Variants in RPL5 observed in about 807,000 individuals in gnomAD.
RPL5 encodes the protein large ribosomal subunit protein uL18.
Under a neutral mutation model 38.4 loss-of-function variants are expected in RPL5, and 1 was observed. That is an observed-to-expected ratio of 0.03 (90% CI 0.01 to 0.12). The LOEUF is 0.12. Ranked by LOEUF, RPL5 falls within the 10% of genes least tolerant of loss-of-function variation. The pLI, the probability that RPL5 is intolerant of heterozygous loss-of-function variation, is 1.00. For synonymous variants in RPL5, 109 were observed against 121.2 expected (o/e 0.90, Z 0.66); for missense variants, 243 against 374.1 (o/e 0.65, Z 2.89).
chr1:92,833,276 A>T (rs549727048), intron 1 of RPL5, 113 bp from the exon 2 acceptor site: 1 of 855,526 alleles, frequency 1.2e-6, no homozygotes, highest in South Asian at 1.5e-5. Context: ...TACAAGTGAC[A>T]GTTGTCTGTT....
intron 1 of RPL5, 173 bp from the exon 2 acceptor site, chr1:92,833,216 G>C: frequency 1.5e-6 from 1 of 655,178 alleles, no homozygotes; most frequent in Non-Finnish European, 2.8e-6. Flanking sequence ...TGACATGGAA[G>C]GTAGAGGAAA....
intron 5 of RPL5, chr1:92,836,941 A>G (rs574539576): frequency 4.3e-6 from 1 of 231,870 alleles, no homozygotes; most frequent in South Asian, 5.7e-5. Context: ...CTTCTTAGGA[A>G]TATTTTAGCA....
chr1:92,841,180 G>A (rs1687349971), intron 7 of RPL5, among the ~76,000 whole-genome samples: 1 of 152,140 alleles, frequency 6.6e-6, no homozygotes, highest in African/African-American at 2.4e-5. Context: ...ACTATCATCT[G>A]CCCATTCTTT....
rs1222114737 is a variant in RPL5 at position 92,839,885 on chromosome 1, G to A, written c.706-666G>A. ...AGGCAGGATCTTGTTCTGTTTCCTG[G>A]GCTGGGGTGCAATGGCACAATTATA... is the stretch of plus-strand genomic sequence containing the variant. On this transcript the variant is annotated intron_variant, in intron 6 of 7. Transcript: ENST00000370321. Among the ~76,000 whole-genome samples, 4 of 151,782 alleles carry A rather than the reference G, an allele frequency of 2.6e-5. No individual in the cohort carries two copies. In the East Asian group the frequency reaches 7.7e-4, roughly 29 times the overall value.
At chr1:92,832,966 G>A in intron 1 of RPL5, 1 of 723,298 alleles carries the variant, frequency 1.4e-6, no homozygotes, top group Non-Finnish European at 2.5e-6. Context: ...ACAAACCGAC[G>A]TTTGGCATCA....
At chr1:92,832,145 T>C (rs1228351340) in intron 1 of RPL5, 28 bp downstream of exon 1, 4 of 1,613,884 alleles carry the variant, frequency 2.5e-6, no homozygotes, top group Non-Finnish European at 3.4e-6. Flanking sequence ...TCTCGGGGCT[T>C]TAGATGCATG....
intron 1 of RPL5, 131 bp downstream of exon 1, chr1:92,832,248 C>G: frequency 7.0e-7 from 1 of 1,430,328 alleles, no homozygotes; most frequent in East Asian, 2.4e-5. Flanking sequence ...CTGACTTGGT[C>G]GAGGTGCAGT....
chr1:92,836,486 A>G (rs1436712742), intron 5 of RPL5, 94 bp downstream of exon 5: 4 of 1,120,070 alleles, frequency 3.6e-6, no homozygotes, highest in East Asian at 2.4e-5. Flanking sequence ...TAAAGTAGCT[A>G]TCAATTGAAT....
intron 1 of RPL5, chr1:92,832,394 G>A: frequency 1.7e-6 from 1 of 590,820 alleles, no homozygotes; most frequent in Non-Finnish European, 3.0e-6. Context: ...TGCGGATACT[G>A]CCGTCTAGTG....
At position 92,834,760 on chromosome 1, in the gene RPL5, A is replaced by G. The variant is rs1687049269; in HGVS notation, c.190-19A>G. On this transcript the variant is annotated intron_variant, in intron 3 of 7. Coordinates refer to ENST00000370321, the MANE Select transcript of RPL5 (RefSeq NM_000969.5). ...AGTGAAAGCAACAGATTACTAACCT[A>G]GTTTCTCTCTTACTATAGATTGCTT... 5.0e-6 allele frequency: 8 copies of G among 1,612,160 alleles called. No individual in the cohort carries two copies. Among genetic ancestry groups the G allele is most frequent in the Non-Finnish European group, 5.9e-6 (7 of 1,179,794 alleles).
Position 92,832,128 on chromosome 1 carries a change from G to T in RPL5, c.3+11G>T, listed in dbSNP as rs376414614. 4 of 1,614,082 alleles carry T rather than the reference G, an allele frequency of 2.5e-6. No homozygotes were observed. The highest frequency in any genetic ancestry group is 3.3e-5 in the Admixed American group (2 of 60,006). ...CTGTTCCGCAGGATGGTGAGTGGAT[G>T]CCTCGGTCTCGGGGCTTTAGATGCA... On this transcript the variant is annotated intron_variant, in intron 1 of 7. Transcript: ENST00000370321.
At chr1:92,837,048 T>G in intron 5 of RPL5, 3 of 286,604 alleles carry the variant, frequency 1.0e-5, no homozygotes, top group South Asian at 1.0e-4. Flanking sequence ...GTGGGGGGAG[T>G]TAGTTGCAAG....
intron 7 of RPL5, 48 bp from the exon 8 acceptor site, chr1:92,841,718 A>C: frequency 8.4e-7 from 1 of 1,194,346 alleles, no homozygotes. Context: ...TAAATATTCT[A>C]TTCTCTTCAG....
Position 92,841,912 on chromosome 1 carries a change from T to G in RPL5, c.*47T>G. 7.2e-7 allele frequency: 1 copy of G among 1,379,454 alleles called. No individual in the cohort carries two copies. Among genetic ancestry groups the G allele is most frequent in the Non-Finnish European group, 1.0e-6 (1 of 973,632 alleles). The allele number at this position is 1,379,454 out of a possible 1,614,324, so 85.5% of individuals were successfully genotyped here. ...TTTTCAGATATAGATAATAAACTTA[T>G]GAACAGCAACTATTTCTGTGTTAAG... On this transcript the variant is annotated 3_prime_UTR_variant, in exon 8 of 8. Coordinates refer to ENST00000370321, the MANE Select transcript of RPL5 (RefSeq NM_000969.5).
chr1:92,835,933 A>G (rs1203863991), intron 4 of RPL5, among the ~76,000 whole-genome samples: 1 of 152,242 alleles, frequency 6.6e-6, no homozygotes, highest in East Asian at 1.9e-4. Flanking sequence ...TGATTGCTGC[A>G]TAAGTCAAGT....
At chr1:92,836,122 A>AT in intron 4 of RPL5, 68 bp from the exon 5 acceptor site, 2 of 1,433,436 alleles carry the variant, frequency 1.4e-6, no homozygotes, top group Non-Finnish European at 2.0e-6. Flanking sequence ...CGGTTATGAC[A>AT]TAAGCTATTT....
chr1:92,837,746 C>G, intron 6 of RPL5, 113 bp downstream of exon 6: 1 of 821,918 alleles, frequency 1.2e-6, no homozygotes, highest in Non-Finnish European at 2.0e-6. Context: ...ACAACATGAG[C>G]TAGACTTGTC....
At chr1:92,834,286 T>C (rs973197265) in intron 3 of RPL5, among the ~76,000 whole-genome samples, 2 of 152,212 alleles carry the variant, frequency 1.3e-5, no homozygotes, top group Admixed American at 6.5e-5. Flanking sequence ...AAATAGGTTT[T>C]AATAAAATGT....
intron 1 of RPL5, chr1:92,833,024 C>T (rs748961192): frequency 1.2e-5 from 9 of 741,234 alleles, no homozygotes; most frequent in East Asian, 2.5e-5. Flanking sequence ...GCACAATTAC[C>T]GGTGCTGGTC....
Sources: allele counts gnomAD v4.1 joint callset (sites outside exome capture counted in the v4.1 genomes callset), GRCh38; gene constraint gnomAD v4.1.1; transcripts MANE v1.5; gene names NCBI Gene and HGNC (gene_info 2026-07-23, HGNC 2026-07-21).